CACNB2: variants seen among roughly 807,000 people sequenced by gnomAD.
The protein encoded by CACNB2 is voltage-dependent L-type calcium channel subunit beta-2.
A neutral mutation model predicts 73.3 loss-of-function variants in CACNB2; 42 were observed. The observed-to-expected ratio is 0.57, with a 90% CI of 0.45 to 0.74. The LOEUF is 0.74. CACNB2 is among the 30% of genes least tolerant of loss of function. The probability of loss-of-function intolerance (pLI) is 0.00; values close to 1 mark genes in which losing one functional copy is unlikely to be tolerated. For synonymous variants in CACNB2, 348 were observed against 310.3 expected (o/e 1.12, Z -1.28); for missense variants, 940 against 853.0 (o/e 1.10, Z -1.27).
chr10:18,156,830 A>G (rs543888273), intron 2 of CACNB2, among the ~76,000 whole-genome samples: 196 of 151,656 alleles, frequency 1.3e-3, no homozygotes, highest in African/African-American at 4.4e-3. Context: ...GGAGATCGAG[A>G]CCAGCCTGAC....
intron 2 of CACNB2, among the ~76,000 whole-genome samples, chr10:18,250,866 C>T (rs993864): frequency 0.2 from 30,904 of 152,206 alleles, 3,610 homozygotes; most frequent in South Asian, 0.33. Flanking sequence ...ACCAAAGCTA[C>T]CTACATCATC....
rs568665865 is a variant in CACNB2 at position 18,146,523 on chromosome 10, G to C, written c.121-4360G>C. ...GACAGAATCTCGCTCTGTCACTCAG[G>C]CTGGAGTGCAGTGGCGTGATCTCGG... is the stretch of plus-strand genomic sequence containing the variant. On this transcript the variant is annotated intron_variant, in intron 1 of 13. Transcript: ENST00000324631. Among the ~76,000 whole-genome samples, 9 of 151,822 alleles carry C rather than the reference G, an allele frequency of 5.9e-5. No individual in the cohort carries two copies. In the East Asian group the frequency reaches 1.7e-3, roughly 29 times the overall value.
chr10:18,498,943 G>A (rs1401847608), intron 4 of CACNB2: 1 of 178,050 alleles, frequency 5.6e-6, no homozygotes, highest in African/African-American at 2.4e-5. Context: ...TCTGCAGTGG[G>A]TGAGAGAATG....
rs74117947 is a variant in CACNB2, at chr10:18,295,440, T to G, written c.214-106484T>G. On this transcript the variant is annotated intron_variant, in intron 2 of 13. Transcript: ENST00000324631. ...CAAAAATAATGGACTCCACTTAGGA[T>G]CCTGATGCTAGGCAAACTCTCTTGC... Among the ~76,000 whole-genome samples, 606 of 152,290 alleles carry G rather than the reference T, an allele frequency of 4.0e-3. 2 individuals are homozygous for G. The highest frequency in any genetic ancestry group is 0.014 in the African/African-American group (576 of 41,576).
intron 2 of CACNB2, among the ~76,000 whole-genome samples, chr10:18,356,797 T>C (rs1350237589): frequency 6.6e-6 from 1 of 151,910 alleles, no homozygotes; most frequent in Non-Finnish European, 1.5e-5. Context: ...GCCTGGCTAA[T>C]TTTTTTATAT....
chr10:18,222,351 A>G (rs750579836), intron 2 of CACNB2, among the ~76,000 whole-genome samples: 9 of 152,130 alleles, frequency 5.9e-5, no homozygotes, highest in Admixed American at 5.9e-4. Context: ...ACCAGTTGCA[A>G]TGTTTAGACC....
intron 3 of CACNB2, among the ~76,000 whole-genome samples, chr10:18,416,640 G>A (rs559743874): frequency 3.9e-5 from 6 of 152,250 alleles, no homozygotes; most frequent in Non-Finnish European, 8.8e-5. Flanking sequence ...TTGAACCCCT[G>A]ACCTCAGGTG....
intron 6 of CACNB2, among the ~76,000 whole-genome samples, chr10:18,508,192 C>T (rs1272486974): frequency 1.3e-5 from 2 of 152,108 alleles, no homozygotes; most frequent in Admixed American, 1.3e-4. Flanking sequence ...AAAATCTGAG[C>T]ACAATAAATG....
intron 2 of CACNB2, among the ~76,000 whole-genome samples, chr10:18,296,520 C>T (rs999309321): frequency 6.6e-6 from 1 of 151,994 alleles, no homozygotes; most frequent in African/African-American, 2.4e-5. Context: ...AACTCTATGT[C>T]TAGGGAAACC....
intron 2 of CACNB2, among the ~76,000 whole-genome samples, chr10:18,218,943 C>A (rs2035618415): frequency 6.6e-6 from 1 of 152,180 alleles, no homozygotes; most frequent in Non-Finnish European, 1.5e-5. Context: ...GCAGAAGGAT[C>A]TCTTGAGCCC....
intron 2 of CACNB2, among the ~76,000 whole-genome samples, chr10:18,266,042 G>A (rs1375228450): frequency 6.6e-6 from 1 of 152,194 alleles, no homozygotes; most frequent in Non-Finnish European, 1.5e-5. Context: ...GTCACCAAAT[G>A]ATATTGCATT....
At chr10:18,442,996 ATGTG>A (rs1261293636) in intron 3 of CACNB2, among the ~76,000 whole-genome samples, 2,752 of 16,382 alleles carry the variant, frequency 0.17, 485 homozygotes, top group Non-Finnish European at 0.21. Context: ...GTATATATAT[ATGTG>A]TATATATATA....
At chr10:18,520,243 C>A (rs914567058) in intron 9 of CACNB2, among the ~76,000 whole-genome samples, 1 of 152,214 alleles carries the variant, frequency 6.6e-6, no homozygotes, top group African/African-American at 2.4e-5. Flanking sequence ...CTCCCATGGT[C>A]TTCCCTATCT....
chr10:18,463,246 A>G (rs113554503), intron 3 of CACNB2, among the ~76,000 whole-genome samples: 10 of 152,226 alleles, frequency 6.6e-5, no homozygotes, highest in Non-Finnish European at 1.3e-4. Context: ...GTTCTTGGCC[A>G]GGCATGGTGG....
At chr10:18,261,529 T>C (rs1484047585) in intron 2 of CACNB2, among the ~76,000 whole-genome samples, 1 of 152,178 alleles carries the variant, frequency 6.6e-6, no homozygotes, top group Non-Finnish European at 1.5e-5. Context: ...CTGTCTTTTG[T>C]GCCTTGTGAC....
intron 2 of CACNB2, among the ~76,000 whole-genome samples, chr10:18,160,426 G>A (rs10828280): frequency 5.9e-5 from 9 of 151,712 alleles, no homozygotes; most frequent in Admixed American, 2.0e-4. Context: ...ACTTTCCACC[G>A]ATACCTCATT....
intron 2 of CACNB2, among the ~76,000 whole-genome samples, chr10:18,241,594 GATAC>G (rs2036653684): frequency 6.6e-6 from 1 of 151,242 alleles, no homozygotes; most frequent in African/African-American, 2.4e-5. Context: ...AAAAAAAAAA[GATAC>G]ATACAGGTGA....
intron 2 of CACNB2, among the ~76,000 whole-genome samples, chr10:18,348,794 T>C (rs891526614): frequency 6.6e-6 from 1 of 152,170 alleles, no homozygotes; most frequent in Admixed American, 6.5e-5. Context: ...TGAGCCACTG[T>C]GCCCAGATAC....
At chr10:18,379,925 A>T (rs565580151) in intron 2 of CACNB2, among the ~76,000 whole-genome samples, 1 of 152,006 alleles carries the variant, frequency 6.6e-6, no homozygotes, top group East Asian at 1.9e-4. Flanking sequence ...GGGCTCAAGC[A>T]ATCCTCCTGT....
Sources: allele counts gnomAD v4.1 joint callset (sites outside exome capture counted in the v4.1 genomes callset), GRCh38; gene constraint gnomAD v4.1.1; transcripts MANE v1.5; gene names NCBI Gene and HGNC (gene_info 2026-07-23, HGNC 2026-07-21).